The following FAM163A variants were observed in gnomAD, a reference collection of about 807,000 sequenced individuals.
FAM163A encodes protein FAM163A.
Under a neutral mutation model 12.0 loss-of-function variants are expected in FAM163A, and 7 were observed. That is an observed-to-expected ratio of 0.58 (90% CI 0.33 to 1.10). The LOEUF is 1.10. Ranked by LOEUF, FAM163A falls within the 50% of genes least tolerant of loss-of-function variation. FAM163A has a pLI of 0.03. For synonymous variants in FAM163A, 101 were observed against 91.0 expected, an observed-to-expected ratio of 1.11 and a Z score of -0.62; for missense variants, 202 against 218.6, an observed-to-expected ratio of 0.92 and a Z score of 0.48.
intron 1 of FAM163A, among the ~76,000 whole-genome samples, chr1:179,802,607 T>C (rs2148322583): frequency 6.6e-6 from 1 of 152,304 alleles, no homozygotes; most frequent in Non-Finnish European, 1.5e-5. Flanking sequence ...GCAGAATTGC[T>C]GTTTCATGGG....
upstream of FAM163A, among the ~76,000 whole-genome samples, chr1:179,738,777 A>G (rs542477194): frequency 1.3e-5 from 2 of 152,354 alleles, no homozygotes; most frequent in Admixed American, 6.5e-5. Context: ...ATATCAAAAT[A>G]TCAATGAGAA....
intron 1 of FAM163A, among the ~76,000 whole-genome samples, chr1:179,793,279 T>G (rs977421540): frequency 2.6e-5 from 4 of 152,014 alleles, no homozygotes; most frequent in Admixed American, 1.3e-4. Flanking sequence ...CATACTCATA[T>G]GTCTACATGT....
the FAM163A span, among the ~76,000 whole-genome samples, chr1:179,734,111 T>G: frequency 6.6e-6 from 1 of 152,222 alleles, no homozygotes; most frequent in Non-Finnish European, 1.5e-5. Flanking sequence ...AATAAAGGCT[T>G]AGATAGCCTC....
chr1:179,798,497 G>T (rs568425261), intron 1 of FAM163A, among the ~76,000 whole-genome samples: 1 of 152,336 alleles, frequency 6.6e-6, no homozygotes, highest in East Asian at 1.9e-4. Context: ...GCCTACTGCC[G>T]CTTTCACCTT....
At chr1:179,801,189 A>G (rs770315724) in intron 1 of FAM163A, among the ~76,000 whole-genome samples, 2 of 151,914 alleles carry the variant, frequency 1.3e-5, no homozygotes, top group Non-Finnish European at 2.9e-5. Flanking sequence ...CACCAACACA[A>G]ACACTTGGAA....
chr1:179,773,813 C>T (rs1027828301), intron 1 of FAM163A, among the ~76,000 whole-genome samples: 5 of 152,270 alleles, frequency 3.3e-5, no homozygotes, highest in African/African-American at 9.6e-5. Context: ...CCCATATGGC[C>T]CTGAAGAGAG....
chr1:179,737,476 A>C, the FAM163A span, among the ~76,000 whole-genome samples: 3 of 152,342 alleles, frequency 2.0e-5, no homozygotes, highest in Admixed American at 1.3e-4. Flanking sequence ...CTGTGCACTT[A>C]GAAGTTTGTT....
At chr1:179,786,846 G>A (rs1690702321) in intron 1 of FAM163A, among the ~76,000 whole-genome samples, 1 of 144,874 alleles carries the variant, frequency 6.9e-6, no homozygotes, top group African/African-American at 2.9e-5. Context: ...TTAAGTATCT[G>A]TGTGTATTTC....
At chr1:179,777,187 ATTTG>A (rs1689100300) in intron 1 of FAM163A, among the ~76,000 whole-genome samples, 1 of 152,096 alleles carries the variant, frequency 6.6e-6, no homozygotes, top group Non-Finnish European at 1.5e-5. Flanking sequence ...AGGTACCTGT[ATTTG>A]TTTGAGTACC....
intron 1 of FAM163A, among the ~76,000 whole-genome samples, chr1:179,774,154 G>T (rs962170953): frequency 1.3e-5 from 2 of 152,216 alleles, no homozygotes; most frequent in Admixed American, 1.3e-4. Context: ...TGCCCCCATG[G>T]GAAGGAATTA....
chr1:179,729,575 C>T, the FAM163A span, among the ~76,000 whole-genome samples: 1 of 152,212 alleles, frequency 6.6e-6, no homozygotes, highest in Admixed American at 6.5e-5. Flanking sequence ...ACAGTTGTTA[C>T]TTGTTCTAAG....
chr1:179,777,389 C>G (rs1197917585), intron 1 of FAM163A, among the ~76,000 whole-genome samples: 1 of 152,152 alleles, frequency 6.6e-6, no homozygotes, highest in Non-Finnish European at 1.5e-5. Flanking sequence ...CAAATTCTAA[C>G]ATGTAAAAAC....
intron 1 of FAM163A, among the ~76,000 whole-genome samples, chr1:179,760,621 G>T (rs1255026759): frequency 6.6e-6 from 1 of 152,226 alleles, no homozygotes; most frequent in Middle Eastern, 3.2e-3. Flanking sequence ...ACAGGTGAGA[G>T]AGGAGACTGG....
chr1:179,764,002 A>G (rs987695815), intron 1 of FAM163A, among the ~76,000 whole-genome samples: 1 of 152,208 alleles, frequency 6.6e-6, no homozygotes, highest in South Asian at 2.1e-4. Context: ...ACACACACAA[A>G]GAGAGACAGA....
upstream of FAM163A, chr1:179,743,117 TG>T (rs1683866120): frequency 6.6e-6 from 1 of 152,372 alleles, no homozygotes; most frequent in Admixed American, 6.5e-5. Context: ...CAGGGGTGTT[TG>T]GAAGGCGCCC....
chr1:179,775,212 C>T (rs1393588837), intron 1 of FAM163A, among the ~76,000 whole-genome samples: 19 of 152,146 alleles, frequency 1.2e-4, no homozygotes, highest in Non-Finnish European at 8.8e-5. Context: ...TTGCCGAAAG[C>T]AACCAATCAG....
At chr1:179,748,639 C>T (rs984852841) in intron 1 of FAM163A, among the ~76,000 whole-genome samples, 7 of 152,166 alleles carry the variant, frequency 4.6e-5, no homozygotes, top group Non-Finnish European at 1.0e-4. Context: ...AGTAGAGGAG[C>T]AAGTGACATG....
At chr1:179,795,516 T>G (rs1265868207) in intron 1 of FAM163A, among the ~76,000 whole-genome samples, 1 of 152,236 alleles carries the variant, frequency 6.6e-6, no homozygotes, top group Admixed American at 6.5e-5. Flanking sequence ...CCACACTCCC[T>G]TGCTCACTCA....
chr1:179,803,390 G>A (rs879689358), intron 1 of FAM163A, among the ~76,000 whole-genome samples: 75 of 152,238 alleles, frequency 4.9e-4, no homozygotes, highest in Admixed American at 1.6e-3. Flanking sequence ...GCAGTGAGGC[G>A]AGGTGACCCT....
Sources: allele counts gnomAD v4.1 joint callset (sites outside exome capture counted in the v4.1 genomes callset), GRCh38; gene constraint gnomAD v4.1.1; transcripts MANE v1.5; gene names NCBI Gene and HGNC (gene_info 2026-07-23, HGNC 2026-07-21).